Variants in DIP2C observed in about 807,000 individuals in gnomAD.
DIP2C encodes the protein DIP2 acetate--CoA ligase C (putative).
In DIP2C, 33 loss-of-function variants were observed where a neutral mutation model predicts 192.4. The ratio of observed to expected loss-of-function variants is 0.17; its 90% confidence interval spans 0.13 to 0.23. The LOEUF is 0.23. DIP2C is among the 10% of genes least tolerant of loss of function. The pLI is 1.00. For missense variants in DIP2C, 1,537 were observed against 2,110.1 expected, an observed-to-expected ratio of 0.73 and a Z score of 5.32; for synonymous variants, 979 against 864.1, an observed-to-expected ratio of 1.13 and a Z score of -2.33.
chr10:553,490 A>G (rs915600013), intron 1 of DIP2C, among the ~76,000 whole-genome samples: 1 of 152,224 alleles, frequency 6.6e-6, no homozygotes, highest in Admixed American at 6.5e-5. Flanking sequence ...AAGGACCATA[A>G]AATTTTGCGT....
At chr10:520,447 A>T (rs935972490) in intron 1 of DIP2C, among the ~76,000 whole-genome samples, 132 of 152,384 alleles carry the variant, frequency 8.7e-4, no homozygotes, top group African/African-American at 2.8e-3. Context: ...TACAAAAAAA[A>T]TTCTATATCC....
intron 1 of DIP2C, among the ~76,000 whole-genome samples, chr10:605,235 T>TG (rs1852379430): frequency 6.6e-6 from 1 of 152,140 alleles, no homozygotes; most frequent in Admixed American, 6.5e-5. Flanking sequence ...CCTTTTAAAA[T>TG]GGGGAACGGG....
intron 4 of DIP2C, among the ~76,000 whole-genome samples, chr10:433,762 A>T (rs1429126372): frequency 6.6e-6 from 1 of 152,184 alleles, no homozygotes; most frequent in African/African-American, 2.4e-5. Context: ...ATATTTCTTT[A>T]TATCTAAAGT....
At chr10:515,649 G>A (rs941693872) in intron 1 of DIP2C, among the ~76,000 whole-genome samples, 6 of 152,254 alleles carry the variant, frequency 3.9e-5, no homozygotes, top group Middle Eastern at 3.4e-3. Context: ...GCCTGAACCC[G>A]GGAGGCAGAG....
chr10:417,565 C>T (rs557643499), intron 6 of DIP2C, among the ~76,000 whole-genome samples: 53 of 152,192 alleles, frequency 3.5e-4, no homozygotes, highest in South Asian at 6.2e-4. Flanking sequence ...CTCTGCCTCA[C>T]GTGAGGATGT....
At chr10:650,183 T>C (rs1409327731) in intron 1 of DIP2C, 3 of 717,268 alleles carry the variant, frequency 4.2e-6, no homozygotes, top group African/African-American at 3.5e-5. Context: ...CTGGAGGTCC[T>C]GCGGGGTGGG....
At chr10:356,955 A>G (rs183400777) in intron 23 of DIP2C, among the ~76,000 whole-genome samples, 1 of 152,362 alleles carries the variant, frequency 6.6e-6, no homozygotes, top group Admixed American at 6.5e-5. Context: ...GCGGGATCTA[A>G]TAAATTTAGG....
rs781455767 is a variant in DIP2C at position 341,338 on chromosome 10, T to C, written c.3454-9A>G. On this transcript the variant is annotated splice_polypyrimidine_tract_variant and intron_variant, in intron 28 of 36. Coordinates refer to ENST00000280886, the MANE Select transcript of DIP2C (RefSeq NM_014974.3). Reference sequence around the variant, plus strand: ...GTGGCTGCGTGAGACATCTGCAAAATACAAGGCTGTGTTAAACGCATCGGA... The same window carrying C: ...GTGGCTGCGTGAGACATCTGCAAAACACAAGGCTGTGTTAAACGCATCGGA... 6.2e-7 allele frequency: 1 copy of C among 1,613,206 alleles called. No individual in the cohort carries two copies. The highest frequency in any genetic ancestry group is 1.3e-5 in the African/African-American group (1 of 74,810).
At chr10:311,392 G>A (rs369117680) in intron 31 of DIP2C, 90 of 689,966 alleles carry the variant, frequency 1.3e-4, no homozygotes, top group African/African-American at 7.2e-4. Flanking sequence ...GACATTGCCC[G>A]GCCGGCAGCA....
chr10:291,358 G>A (rs866026114), intron 32 of DIP2C, among the ~76,000 whole-genome samples: 111 of 152,360 alleles, frequency 7.3e-4, no homozygotes, highest in African/African-American at 2.5e-3. Context: ...GGCACAGGGT[G>A]CTAAATCACT....
At position 644,169 on chromosome 10, in the gene DIP2C, A is replaced by G. The variant is rs183537157; in HGVS notation, c.85+45325T>C. Among the ~76,000 whole-genome samples, 895 of 152,362 alleles carry G rather than the reference A, an allele frequency of 5.9e-3. 5 individuals are homozygous for G. Among genetic ancestry groups the G allele is most frequent in the South Asian group, 7.7e-3 (37 of 4,830 alleles). ...CATCAGCTTGCCAAGGCTGTCCTGA[A>G]GTCCAGGAGCCCCTCAGGAGAACAG... On this transcript the variant is annotated intron_variant, in intron 1 of 36. Coordinates refer to ENST00000280886, the MANE Select transcript of DIP2C (RefSeq NM_014974.3).
At chr10:564,021 A>C (rs1364858788) in intron 1 of DIP2C, among the ~76,000 whole-genome samples, 1 of 152,250 alleles carries the variant, frequency 6.6e-6, no homozygotes, top group African/African-American at 2.4e-5. Context: ...GAAGATTTCA[A>C]AGCTGAGAAA....
chr10:570,285 G>A (rs537181256), intron 1 of DIP2C, among the ~76,000 whole-genome samples: 25 of 152,220 alleles, frequency 1.6e-4, no homozygotes, highest in Middle Eastern at 3.4e-3. Flanking sequence ...GGATTTTGTC[G>A]TGCCCATTTT....
chr10:454,310 AAT>A (rs144637813), intron 3 of DIP2C, among the ~76,000 whole-genome samples: 24,318 of 152,038 alleles, frequency 0.16, 5,016 homozygotes, highest in African/African-American at 0.48. Flanking sequence ...GTGTTAGATA[AAT>A]TGGTTAACTA....
At chr10:399,825 G>C (rs930220905) in intron 9 of DIP2C, among the ~76,000 whole-genome samples, 4 of 152,204 alleles carry the variant, frequency 2.6e-5, no homozygotes, top group Non-Finnish European at 4.4e-5. Flanking sequence ...ACTGGCACTA[G>C]GGCTGGTGGC....
In DIP2C at chr10:673,936, C is replaced by T. The variant is rs541253030; in HGVS notation, c.85+15558G>A. ...AACCCATTACAGATCATTGCTGTTC[C>T]TAATAACAGGAAATGAATTCTAAAA... On this transcript the variant is annotated intron_variant, in intron 1 of 36. Transcript: ENST00000280886. Among the ~76,000 whole-genome samples the T allele has an allele frequency of 8.5e-5, 13 of 152,328 alleles. No homozygotes were observed. The East Asian group carries it at 2.5e-3, about 29-fold the overall frequency.
At chr10:381,449 A>C (rs1042757484) in intron 17 of DIP2C, among the ~76,000 whole-genome samples, 1 of 152,114 alleles carries the variant, frequency 6.6e-6, no homozygotes, top group Non-Finnish European at 1.5e-5. Context: ...CAATCACGCC[A>C]ATCAGAAAAG....
chr10:369,307 A>C, intron 18 of DIP2C, among the ~76,000 whole-genome samples, 187 bp downstream of exon 18: 1 of 152,202 alleles, frequency 6.6e-6, no homozygotes, highest in East Asian at 1.9e-4. Context: ...TTGATCGTCT[A>C]CCAGGAGAGG....
chr10:534,425 A>G (rs192636128), intron 1 of DIP2C, among the ~76,000 whole-genome samples: 1 of 152,336 alleles, frequency 6.6e-6, no homozygotes, highest in Admixed American at 6.5e-5. Flanking sequence ...CCCGACCTTC[A>G]TCTTATAGTG....
Sources: gnomAD v4.1 joint callset for allele counts (sites outside exome capture counted in the v4.1 genomes callset) on GRCh38, gnomAD v4.1.1 for gene constraint, MANE v1.5 for transcripts, NCBI Gene and HGNC (gene_info 2026-07-23, HGNC 2026-07-21) for gene names.